The following CCSER1 variants were observed in gnomAD, a reference collection of about 807,000 sequenced individuals.
The protein encoded by CCSER1 is serine-rich coiled-coil domain-containing protein 1.
Under a neutral mutation model 82.0 loss-of-function variants are expected in CCSER1, and 41 were observed. The ratio of observed to expected loss-of-function variants is 0.50; its 90% CI spans 0.39 to 0.65. The LOEUF is 0.65. Among genes scored for constraint, CCSER1 ranks in the 30% least tolerant of loss-of-function variants. CCSER1 has a pLI of 0.00. For synonymous variants in CCSER1, 414 were observed against 383.9 expected (o/e 1.08, Z -0.92); for missense variants, 1,119 against 1,064.2 (o/e 1.05, Z -0.72).
At chr4:90,883,207 T>C (rs542883391) in intron 8 of CCSER1, among the ~76,000 whole-genome samples, 58 of 152,080 alleles carry the variant, frequency 3.8e-4, no homozygotes, top group Non-Finnish European at 7.4e-4. Context: ...CCTGTCACTA[T>C]AATTCATGGC....
chr4:90,716,276 C>A (rs1439478290), intron 6 of CCSER1, among the ~76,000 whole-genome samples: 1 of 151,548 alleles, frequency 6.6e-6, no homozygotes, highest in Non-Finnish European at 1.5e-5. Flanking sequence ...AATATGTTAT[C>A]CAAATTAAAA....
intron 9 of CCSER1, among the ~76,000 whole-genome samples, chr4:90,924,199 A>G (rs1728765665): frequency 6.6e-6 from 1 of 152,164 alleles, no homozygotes; most frequent in Non-Finnish European, 1.5e-5. Flanking sequence ...AAAAACATTT[A>G]TTCTTATTTT....
chr4:91,393,047 A>G (rs1008942610), intron 10 of CCSER1, among the ~76,000 whole-genome samples: 5 of 152,132 alleles, frequency 3.3e-5, no homozygotes, highest in African/African-American at 1.2e-4. Context: ...CCAATGGAGT[A>G]ATAGATAATG....
At chr4:91,480,475 G>A (rs1757851684) in intron 10 of CCSER1, among the ~76,000 whole-genome samples, 1 of 152,172 alleles carries the variant, frequency 6.6e-6, no homozygotes, top group African/African-American at 2.4e-5. Context: ...GTTTTGATTT[G>A]CATTTGTCTG....
chr4:91,279,773 G>A (rs902983086), intron 10 of CCSER1, among the ~76,000 whole-genome samples: 8 of 152,080 alleles, frequency 5.3e-5, no homozygotes. Context: ...TGTTGCTTGA[G>A]AATGATTGTG....
chr4:90,917,427 C>G (rs1727646157), intron 8 of CCSER1, among the ~76,000 whole-genome samples: 1 of 152,110 alleles, frequency 6.6e-6, no homozygotes, highest in African/African-American at 2.4e-5. Context: ...AAAAAACAAA[C>G]ACCGCATGTT....
intron 5 of CCSER1, among the ~76,000 whole-genome samples, chr4:90,627,499 A>G (rs1723512591): frequency 6.6e-6 from 1 of 152,100 alleles, no homozygotes; most frequent in South Asian, 2.1e-4. Flanking sequence ...CTGTTTTTAT[A>G]AATATTCTGA....
At chr4:90,628,972 G>GT (rs1723839749) in intron 6 of CCSER1, among the ~76,000 whole-genome samples, 1 of 152,092 alleles carries the variant, frequency 6.6e-6, no homozygotes, top group Non-Finnish European at 1.5e-5. Flanking sequence ...TTTTTCTCAA[G>GT]TAAGTGTAAT....
At chr4:90,186,918 C>G (rs1734721776) in intron 1 of CCSER1, among the ~76,000 whole-genome samples, 1 of 151,890 alleles carries the variant, frequency 6.6e-6, no homozygotes, top group African/African-American at 2.4e-5. Flanking sequence ...TGAGCATCTA[C>G]CCTTTCTTGG....
chr4:90,844,175 G>GAA, intron 8 of CCSER1, among the ~76,000 whole-genome samples: 1 of 144,970 alleles, frequency 6.9e-6, no homozygotes, highest in Non-Finnish European at 1.5e-5. Context: ...GATAGATAGA[G>GAA]AATATATACA....
intron 8 of CCSER1, among the ~76,000 whole-genome samples, chr4:90,878,235 C>A (rs990022429): frequency 1.4e-4 from 22 of 152,138 alleles, no homozygotes; most frequent in Non-Finnish European, 2.9e-4. Context: ...ATCTTACACA[C>A]CAAAATCCTA....
intron 10 of CCSER1, among the ~76,000 whole-genome samples, chr4:91,173,510 C>T (rs1038891009): frequency 1.3e-5 from 2 of 149,420 alleles, no homozygotes; most frequent in African/African-American, 5.0e-5. Flanking sequence ...AGGAGAATTG[C>T]TTGAACCCGG....
intron 8 of CCSER1, among the ~76,000 whole-genome samples, chr4:90,854,772 C>T (rs1208075013): frequency 3.3e-5 from 5 of 151,848 alleles, no homozygotes; most frequent in Admixed American, 2.6e-4. Context: ...TAAGATTGCT[C>T]CTATGATCTC....
At chr4:90,957,354 C>A (rs1396699682) in intron 9 of CCSER1, among the ~76,000 whole-genome samples, 1 of 147,844 alleles carries the variant, frequency 6.8e-6, no homozygotes, top group Admixed American at 6.9e-5. Context: ...CCTGCCTTGG[C>A]CTCCCAAAAT....
At chr4:90,933,829 G>A (rs1331095854) in intron 9 of CCSER1, among the ~76,000 whole-genome samples, 1 of 151,602 alleles carries the variant, frequency 6.6e-6, no homozygotes, top group African/African-American at 2.4e-5. Flanking sequence ...TTATTTTACT[G>A]TAATGTTAAT....
At chr4:91,321,050 A>C (rs1254872509) in intron 10 of CCSER1, among the ~76,000 whole-genome samples, 6 of 152,070 alleles carry the variant, frequency 3.9e-5, no homozygotes, top group Non-Finnish European at 7.4e-5. Context: ...AATTACTTTC[A>C]GTTGTAACTT....
At chr4:90,541,523 C>T (rs11943760) in intron 5 of CCSER1, among the ~76,000 whole-genome samples, 71,929 of 151,770 alleles carry the variant, frequency 0.47, 21,522 homozygotes, top group African/African-American at 0.86. Flanking sequence ...ATTTGTAACA[C>T]GGTGAAAGTT....
intron 3 of CCSER1, among the ~76,000 whole-genome samples, chr4:90,369,113 G>C (rs1252620454): frequency 6.6e-6 from 1 of 151,666 alleles, no homozygotes; most frequent in Non-Finnish European, 1.5e-5. Context: ...AAGCTATTTA[G>C]TAAAACCACT....
At chr4:90,171,930 G>T (rs1203258572) in intron 1 of CCSER1, among the ~76,000 whole-genome samples, 1 of 151,904 alleles carries the variant, frequency 6.6e-6, no homozygotes, top group African/African-American at 2.4e-5. Context: ...ACGAGGAAGG[G>T]CTGTGTTCCT....
Sources: allele counts gnomAD v4.1 joint callset (sites outside exome capture counted in the v4.1 genomes callset), GRCh38; gene constraint gnomAD v4.1.1; transcripts MANE v1.5; gene names NCBI Gene and HGNC (gene_info 2026-07-23, HGNC 2026-07-21).